Variants in UST observed in about 807,000 individuals in gnomAD.
The protein encoded by UST is chondroitin sulfate 2-O-sulfotransferase.
A neutral mutation model predicts 45.6 loss-of-function variants in UST; 21 were observed. That is an observed-to-expected ratio of 0.46 (90% CI 0.33 to 0.66). The LOEUF (loss-of-function observed/expected upper bound fraction) is 0.66, where lower values mean the gene tolerates loss of function less well. Ranked by LOEUF, UST falls within the 30% of genes least tolerant of loss-of-function variation. The pLI is 0.02. For synonymous variants in UST, 215 were observed against 200.6 expected, an observed-to-expected ratio of 1.07 and a Z score of -0.61; for missense variants, 463 against 512.4, an observed-to-expected ratio of 0.90 and a Z score of 0.93.
intron 1 of UST, among the ~76,000 whole-genome samples, chr6:148,794,363 C>T (rs188154185): frequency 1.3e-4 from 20 of 152,264 alleles, no homozygotes; most frequent in Non-Finnish European, 2.6e-4. Flanking sequence ...CTAGTAACTG[C>T]ATTATTTGAA....
At position 149,058,215 on chromosome 6, in the gene UST, G is replaced by C. The variant is rs1172702196; in HGVS notation, c.938-15618G>C. Among the ~76,000 whole-genome samples, 4 of 152,150 alleles carry C rather than the reference G, an allele frequency of 2.6e-5. No individual in the cohort carries two copies. The East Asian group carries it at 5.8e-4, about 22-fold the overall frequency. On this transcript the variant is annotated intron_variant, in intron 7 of 7. Coordinates refer to ENST00000367463, the MANE Select transcript of UST (RefSeq NM_005715.3). ...AAAAAATGAGACAAAGAACTGTCCT[G>C]TGGTCATATCACCATCTGTGGAGTG...
intron 2 of UST, among the ~76,000 whole-genome samples, chr6:148,889,847 A>T (rs978053085): frequency 6.6e-6 from 1 of 151,624 alleles, no homozygotes; most frequent in African/African-American, 2.4e-5. Flanking sequence ...CCCTTCTCCC[A>T]TAGGGTCTTC....
In UST at chr6:149,058,765, G is replaced by GT. The variant is rs540215216; in HGVS notation, c.938-15060dup. Among the ~76,000 whole-genome samples the GT allele has an allele frequency of 5.5e-4, 83 of 152,074 alleles. 1 individual carries two copies. In the East Asian group the frequency reaches 0.015, roughly 28 times the overall value. ...AAAGACATAGTAATTCTCCCAATAA[G>GT]TTTTTTTTAGAAGTAGATATTTTTA... On this transcript the variant is annotated intron_variant, in intron 7 of 7. Transcript: ENST00000367463.
At chr6:148,868,548 C>T (rs562317441) in intron 1 of UST, among the ~76,000 whole-genome samples, 1 of 152,324 alleles carries the variant, frequency 6.6e-6, no homozygotes, top group East Asian at 1.9e-4. Flanking sequence ...GATTTCCCAA[C>T]TCATTTTGTT....
chr6:148,910,852 G>A (rs550412855), intron 2 of UST, among the ~76,000 whole-genome samples: 3 of 152,268 alleles, frequency 2.0e-5, no homozygotes, highest in African/African-American at 7.2e-5. Context: ...AAAGGTGTCT[G>A]TTTCTAATCG....
At chr6:148,815,128 C>T (rs1357081565) in intron 1 of UST, among the ~76,000 whole-genome samples, 1 of 152,196 alleles carries the variant, frequency 6.6e-6, no homozygotes, top group African/African-American at 2.4e-5. Context: ...AACTCCAACA[C>T]TTACTTGTAA....
intron 1 of UST, among the ~76,000 whole-genome samples, chr6:148,846,980 G>A (rs1450740718): frequency 6.6e-6 from 1 of 152,236 alleles, no homozygotes; most frequent in Non-Finnish European, 1.5e-5. Context: ...AGGCAGGCTG[G>A]TGAGTCCCAC....
chr6:148,947,449 T>C (rs1283878647), intron 3 of UST, among the ~76,000 whole-genome samples: 1 of 152,208 alleles, frequency 6.6e-6, no homozygotes, highest in African/African-American at 2.4e-5. Context: ...ATTTGTATTT[T>C]GCAGGGGAAA....
At chr6:148,862,955 G>A (rs1170392418) in intron 1 of UST, among the ~76,000 whole-genome samples, 1 of 152,106 alleles carries the variant, frequency 6.6e-6, no homozygotes, top group African/African-American at 2.4e-5. Context: ...CAACTTTGGT[G>A]AATCTGACAA....
intron 7 of UST, among the ~76,000 whole-genome samples, chr6:149,053,561 A>G (rs544778383): frequency 2.0e-5 from 3 of 152,316 alleles, no homozygotes; most frequent in African/African-American, 7.2e-5. Flanking sequence ...TATATGCTCT[A>G]TGAGGTATAA....
At chr6:149,016,317 C>A (rs953237568) in intron 5 of UST, among the ~76,000 whole-genome samples, 1 of 152,232 alleles carries the variant, frequency 6.6e-6, no homozygotes, top group African/African-American at 2.4e-5. Context: ...CCTTCTTAGG[C>A]CCCAGTGCCT....
At position 148,747,622 on chromosome 6, in the gene UST, C is replaced by G; in HGVS notation, c.192C>G (p.Leu64=). 1 of 1,603,340 alleles carries G rather than the reference C, an allele frequency of 6.2e-7. No homozygotes were observed. ...TGGTCTTCTGCCTGGGCTCCCTCCT[C>G]TATCAGCTCAGCGGGGGACCCCCTC... is the stretch of plus-strand genomic sequence containing the variant. ...TLLVFCLGSL[L]YQLSGGPPRF... The change falls in exon 1 of 8, where the codon CTC becomes CTG. Residue 64 remains leucine, a synonymous_variant. Transcript: ENST00000367463.
intron 1 of UST, among the ~76,000 whole-genome samples, chr6:148,884,127 C>A (rs1223972977): frequency 1.5e-5 from 2 of 133,552 alleles, no homozygotes; most frequent in African/African-American, 6.4e-5. Context: ...AGTGAGACAC[C>A]GTCTCAAAAA....
intron 1 of UST, among the ~76,000 whole-genome samples, chr6:148,821,568 A>C (rs373721680): frequency 6.8e-4 from 104 of 152,362 alleles, no homozygotes; most frequent in African/African-American, 2.5e-3. Context: ...ACAGGTAGTT[A>C]ATAAATATTT....
chr6:149,019,652 G>A lies in UST; in HGVS notation c.779+416G>A, dbSNP rs73608461. 5.0e-3 allele frequency among the ~76,000 whole-genome samples: 766 copies of A among 152,264 alleles called. 7 individuals carry two copies. Among genetic ancestry groups the A allele is most frequent in the African/African-American group, 0.018 (738 of 41,536 alleles). ...CTGACTTAACCAACAACCTGCCCTC[G>A]TAGCATGTGTCACTGGGTCTGAGAC... On this transcript the variant is annotated intron_variant, in intron 6 of 7. Coordinates refer to ENST00000367463, the MANE Select transcript of UST (RefSeq NM_005715.3).
intron 1 of UST, among the ~76,000 whole-genome samples, chr6:148,792,372 C>T (rs746557120): frequency 1.3e-5 from 2 of 152,222 alleles, no homozygotes; most frequent in African/African-American, 2.4e-5. Context: ...CACAGTCTTG[C>T]TCTCCTGCTA....
At chr6:148,971,817 C>T (rs1303404141) in intron 5 of UST, among the ~76,000 whole-genome samples, 3 of 152,212 alleles carry the variant, frequency 2.0e-5, no homozygotes, top group African/African-American at 7.2e-5. Flanking sequence ...GGCATGTTTA[C>T]AGGACATCCT....
intron 1 of UST, among the ~76,000 whole-genome samples, chr6:148,854,523 C>G (rs1235286818): frequency 6.6e-6 from 1 of 152,172 alleles, no homozygotes; most frequent in Non-Finnish European, 1.5e-5. Flanking sequence ...TACAGAAACA[C>G]AGTCCTAGTT....
chr6:148,887,075 A>T, intron 2 of UST, 46 bp downstream of exon 2: 1 of 1,472,434 alleles, frequency 6.8e-7, no homozygotes, highest in South Asian at 1.2e-5. Context: ...CTTTTATCTT[A>T]CTTACAGCCT....
Sources: gnomAD v4.1 joint callset for allele counts (sites outside exome capture counted in the v4.1 genomes callset) on GRCh38, gnomAD v4.1.1 for gene constraint, MANE v1.5 for transcripts, NCBI Gene and HGNC (gene_info 2026-07-23, HGNC 2026-07-21) for gene names.